The following TMEM132B variants were observed in gnomAD, a reference collection of about 807,000 sequenced individuals.
The protein encoded by TMEM132B is transmembrane protein 132B.
A neutral mutation model predicts 90.8 loss-of-function variants in TMEM132B; 18 were observed. That is an observed-to-expected ratio of 0.20 (90% CI 0.14 to 0.29). The LOEUF (loss-of-function observed/expected upper bound fraction) is 0.29, where lower values mean the gene tolerates loss of function less well. Among genes scored for constraint, TMEM132B ranks in the 10% least tolerant of loss-of-function variants. TMEM132B has a pLI of 1.00. For synonymous variants in TMEM132B, 504 were observed against 523.3 expected (o/e 0.96, Z 0.50); for missense variants, 1,096 against 1,326.8 (o/e 0.83, Z 2.70).
At chr12:125,359,238 C>A (rs185516606) in intron 2 of TMEM132B, among the ~76,000 whole-genome samples, 7 of 152,310 alleles carry the variant, frequency 4.6e-5, no homozygotes, top group African/African-American at 1.7e-4. Context: ...CTTCTACAAT[C>A]TATAACCAGA....
chr12:125,231,208 CGTGTGTGT>C (rs140099684), intron 1 of TMEM132B, among the ~76,000 whole-genome samples: 5 of 146,450 alleles, frequency 3.4e-5, no homozygotes, highest in South Asian at 2.2e-4. Flanking sequence ...GGCTGTCTTC[CGTGTGTGT>C]GTGTGTGTGT....
At chr12:125,261,843 C>T (rs1332076234) in intron 1 of TMEM132B, among the ~76,000 whole-genome samples, 2 of 151,334 alleles carry the variant, frequency 1.3e-5, no homozygotes, top group African/African-American at 2.4e-5. Flanking sequence ...ATGATGCCCA[C>T]TTGCTCTGAC....
chr12:125,524,184 C>G (rs1002060868), intron 4 of TMEM132B, among the ~76,000 whole-genome samples: 4 of 152,224 alleles, frequency 2.6e-5, no homozygotes, highest in African/African-American at 9.7e-5. Flanking sequence ...GTCTACTTCA[C>G]AGTGGTGTCA....
At chr12:125,413,781 G>A (rs1879927498) in intron 2 of TMEM132B, among the ~76,000 whole-genome samples, 1 of 152,020 alleles carries the variant, frequency 6.6e-6, no homozygotes, top group African/African-American at 2.4e-5. Context: ...TTTACGTATT[G>A]CCCACAGTGC....
At chr12:125,269,658 A>T (rs1337455503) in intron 1 of TMEM132B, among the ~76,000 whole-genome samples, 1 of 152,150 alleles carries the variant, frequency 6.6e-6, no homozygotes, top group African/African-American at 2.4e-5. Flanking sequence ...GTTCAGTAGG[A>T]TCCAGCACGG....
rs898343256 is a variant in TMEM132B, at chr12:125,408,811, T to G, written c.960-6720T>G. The stretch of plus-strand genomic sequence containing the variant: ...TCACCAAATAGCTTTCCAAAGAGGT[T>G]GAACCAAATTACACTCATTCCAGCA... On this transcript the variant is annotated intron_variant, in intron 2 of 8. Coordinates refer to ENST00000682704, the MANE Select transcript of TMEM132B (RefSeq NM_001366854.1). This position sits in a 1 kb window ranked among gnomAD's most constrained non-coding sequence, Gnocchi z 5.9. 2.0e-5 allele frequency among the ~76,000 whole-genome samples: 3 copies of G among 152,126 alleles called. No homozygotes were observed. Among genetic ancestry groups the G allele is most frequent in the African/African-American group, 7.2e-5 (3 of 41,418 alleles).
intron 1 of TMEM132B, among the ~76,000 whole-genome samples, chr12:125,302,467 C>T (rs1486898322): frequency 6.6e-6 from 1 of 151,942 alleles, no homozygotes; most frequent in Non-Finnish European, 1.5e-5. Context: ...ATGCTTACTG[C>T]TCTAAGCCAC....
Position 125,524,045 on chromosome 12 carries a change from C to T in TMEM132B, c.1293+4420C>T, listed in dbSNP as rs185052490. ...ACATCACTGTCCTCTAATCCTGGGACTGGGAGGAGGAGACCCGAAGTCAAA... is the reference window on the plus strand; with the variant it reads ...ACATCACTGTCCTCTAATCCTGGGATTGGGAGGAGGAGACCCGAAGTCAAA... On this transcript the variant is annotated intron_variant, in intron 4 of 8. Coordinates refer to ENST00000682704, the MANE Select transcript of TMEM132B (RefSeq NM_001366854.1). Among the ~76,000 whole-genome samples, 147 of 152,338 alleles carry T rather than the reference C, an allele frequency of 9.6e-4. 2 individuals carry two copies. The highest frequency in any genetic ancestry group is 2.4e-4 in the African/African-American group (10 of 41,578).
intron 2 of TMEM132B, among the ~76,000 whole-genome samples, chr12:125,352,742 A>G (rs1278429848): frequency 6.6e-6 from 1 of 152,242 alleles, no homozygotes; most frequent in Admixed American, 6.5e-5. Flanking sequence ...TGGAGAATTC[A>G]TTGTGAGTCT....
At chr12:125,204,445 A>G (rs1873136094) in intron 1 of TMEM132B, among the ~76,000 whole-genome samples, 1 of 122,274 alleles carries the variant, frequency 8.2e-6, no homozygotes, top group African/African-American at 2.6e-5. Context: ...GGCTCCGTGT[A>G]CCAGGCACTG....
At chr12:125,557,100 A>G (rs745784798) in intron 4 of TMEM132B, among the ~76,000 whole-genome samples, 39 of 152,330 alleles carry the variant, frequency 2.6e-4, no homozygotes, top group South Asian at 1.2e-3. Flanking sequence ...TATCATATAC[A>G]CACTTACTCC....
intron 3 of TMEM132B, among the ~76,000 whole-genome samples, chr12:125,440,528 G>A (rs1880840238): frequency 6.6e-6 from 1 of 152,070 alleles, no homozygotes; most frequent in Admixed American, 6.6e-5. Context: ...ATTAGGACCC[G>A]CGATTATTTT....
chr12:125,536,139 G>A (rs74929916), intron 4 of TMEM132B, among the ~76,000 whole-genome samples: 2,178 of 152,264 alleles, frequency 0.014, 59 homozygotes, highest in African/African-American at 0.05. Context: ...AAGAATGAAG[G>A]ACAGGGTGTC....
chr12:125,293,411 C>T (rs544464093), intron 1 of TMEM132B, among the ~76,000 whole-genome samples: 101 of 152,266 alleles, frequency 6.6e-4, no homozygotes, highest in Non-Finnish European at 7.4e-4. Flanking sequence ...AGGTTCTAAG[C>T]ATAATACCCA....
chr12:125,581,633 T>A (rs955370553), intron 4 of TMEM132B, among the ~76,000 whole-genome samples: 4 of 152,030 alleles, frequency 2.6e-5, no homozygotes, highest in African/African-American at 9.7e-5. Context: ...AATGAAACAT[T>A]GTCACTAAAG....
rs190849206 is a variant in TMEM132B at position 125,640,200 on chromosome 12, C to T, written c.1438-3876C>T. Among the ~76,000 whole-genome samples, 36 of 152,334 alleles carry T rather than the reference C, an allele frequency of 2.4e-4. No homozygotes were observed. In the East Asian group the frequency reaches 5.2e-3, roughly 22 times the overall value. On this transcript the variant is annotated intron_variant, in intron 5 of 8. Transcript: ENST00000682704. ...CACAGCTCACTGGCCAGAGTAATAG[C>T]ACATGCTTTCCCCTAAACCAATCAT...
At chr12:125,243,096 CAT>C (rs1357323925) in intron 1 of TMEM132B, among the ~76,000 whole-genome samples, 7 of 116,686 alleles carry the variant, frequency 6.0e-5, no homozygotes, top group East Asian at 4.6e-4. Context: ...CATACATATA[CAT>C]ATATATATAC....
intron 1 of TMEM132B, among the ~76,000 whole-genome samples, chr12:125,206,588 C>T (rs79432055): frequency 4.3e-4 from 66 of 152,174 alleles, no homozygotes; most frequent in Non-Finnish European, 7.5e-4. Flanking sequence ...TCCTGGACAG[C>T]GTGCTTGGTG....
intron 5 of TMEM132B, among the ~76,000 whole-genome samples, chr12:125,625,847 A>G (rs1238806380): frequency 4.6e-5 from 7 of 152,180 alleles, no homozygotes; most frequent in South Asian, 4.1e-4. Context: ...TGCCATTCTA[A>G]TGAGCTTGTA....
Sources: allele counts gnomAD v4.1 joint callset (sites outside exome capture counted in the v4.1 genomes callset), GRCh38; gene constraint gnomAD v4.1.1; non-coding constraint Gnocchi (gnomAD v3.1); transcripts MANE v1.5; gene names NCBI Gene and HGNC (gene_info 2026-07-23, HGNC 2026-07-21).